BRINP3: variants seen among roughly 807,000 people sequenced by gnomAD.
BRINP3 encodes the protein BMP/retinoic acid inducible neural specific 3, also known as BMP/retinoic acid-inducible neural-specific protein 3.
A neutral mutation model predicts 71.0 loss-of-function variants in BRINP3; 19 were observed. That is an observed-to-expected ratio of 0.27 (90% CI 0.19 to 0.39). The LOEUF is 0.39. BRINP3 is among the 10% of genes least tolerant of loss of function. BRINP3 has a pLI of 1.00. For synonymous variants in BRINP3, 380 were observed against 337.7 expected, an observed-to-expected ratio of 1.13 and a Z score of -1.37; for missense variants, 959 against 940.8, an observed-to-expected ratio of 1.02 and a Z score of -0.25.
intron 2 of BRINP3, among the ~76,000 whole-genome samples, chr1:190,377,110 C>A (rs1670233443): frequency 6.6e-6 from 1 of 151,888 alleles, no homozygotes; most frequent in Non-Finnish European, 1.5e-5. Context: ...TCAATATCCA[C>A]CTATAGCTAA....
At chr1:190,224,503 A>T (rs1277072764) in intron 6 of BRINP3, among the ~76,000 whole-genome samples, 3 of 152,066 alleles carry the variant, frequency 2.0e-5, no homozygotes, top group Non-Finnish European at 1.5e-5. Flanking sequence ...ATAGACTTAA[A>T]TCTAAAACTT....
chr1:190,469,341 C>G (rs548226386), intron 1 of BRINP3, among the ~76,000 whole-genome samples: 1 of 150,990 alleles, frequency 6.6e-6, no homozygotes, highest in Admixed American at 6.6e-5. Context: ...ATAAGAAATT[C>G]TATTACTGTA....
At chr1:190,307,583 C>T (rs1665206277) in intron 2 of BRINP3, among the ~76,000 whole-genome samples, 1 of 151,746 alleles carries the variant, frequency 6.6e-6, no homozygotes, top group Non-Finnish European at 1.5e-5. Flanking sequence ...AAAGCAAGGC[C>T]ATATTTTCAC....
At chr1:190,217,437 C>A (rs988327059) in intron 6 of BRINP3, among the ~76,000 whole-genome samples, 13 of 151,628 alleles carry the variant, frequency 8.6e-5, no homozygotes, top group Non-Finnish European at 1.9e-4. Flanking sequence ...AAAAAGAGTC[C>A]AATATAAATA....
intron 4 of BRINP3, among the ~76,000 whole-genome samples, chr1:190,252,819 A>G (rs761091603): frequency 6.6e-6 from 1 of 151,984 alleles, no homozygotes; most frequent in Non-Finnish European, 1.5e-5. Context: ...TCTAGGGTAC[A>G]TGTGCACAAC....
chr1:190,172,864 A>G (rs1213944750), intron 6 of BRINP3, among the ~76,000 whole-genome samples: 1 of 152,132 alleles, frequency 6.6e-6, no homozygotes, highest in Non-Finnish European at 1.5e-5. Flanking sequence ...GCATTCCCAG[A>G]AATAGCAGCT....
intron 7 of BRINP3, among the ~76,000 whole-genome samples, chr1:190,157,431 C>T (rs1227005779): frequency 6.6e-6 from 1 of 151,870 alleles, no homozygotes; most frequent in Non-Finnish European, 1.5e-5. Flanking sequence ...GATTGGATTC[C>T]CTGAGATTGT....
chr1:190,342,367 TTTC>T (rs1667718054), intron 2 of BRINP3: 1 of 125,964 alleles, frequency 7.9e-6, no homozygotes, highest in South Asian at 2.9e-4. Context: ...TGGTTAGGGC[TTTC>T]TGTGCAAAAA....
Position 190,281,682 on chromosome 1 carries a change from G to A in BRINP3, c.305C>T (p.Pro102Leu), listed in dbSNP as rs760643777. The A allele has an allele frequency of 1.2e-6, 2 of 1,612,714 alleles. No homozygotes were observed. The highest frequency in any genetic ancestry group is 1.7e-6 in the Non-Finnish European group (2 of 1,179,300). ...ERRNFLGSPL[P>L]LAPEFFRNIR... ...GTTGCGGAAGAATTCAGGGGCAAGAGGCAGAGGAGAGCCAAGGAAATTTCT... is the reference window on the plus strand; with the variant it reads ...GTTGCGGAAGAATTCAGGGGCAAGAAGCAGAGGAGAGCCAAGGAAATTTCT... The change falls in exon 3 of 8, where the codon CCT becomes CTT. Residue 102 changes from proline to leucine, a missense_variant. Pro to Leu is a moderately conservative substitution (Grantham distance 98). Transcript: ENST00000367462.
intron 2 of BRINP3, among the ~76,000 whole-genome samples, chr1:190,372,471 C>T (rs570453327): frequency 1.3e-5 from 2 of 152,128 alleles, no homozygotes; most frequent in African/African-American, 4.8e-5. Context: ...CAGGTTACAA[C>T]CCCATATAGT....
intron 7 of BRINP3, among the ~76,000 whole-genome samples, chr1:190,156,661 A>C (rs1475433825): frequency 6.6e-6 from 1 of 152,070 alleles, no homozygotes; most frequent in Non-Finnish European, 1.5e-5. Context: ...TCTAGCAAGA[A>C]GTCTGCATTG....
rs74130789 is a variant in BRINP3 at position 190,476,313 on chromosome 1, G to A, written c.-51+1135C>T. Among the ~76,000 whole-genome samples the A allele has an allele frequency of 3.7e-3, 562 of 150,700 alleles. 4 individuals carry two copies. The highest frequency in any genetic ancestry group is 0.013 in the African/African-American group (522 of 41,126). ...AGGTTCTTACCTCCATGTATCCCAA[G>A]AAAAGGAAATGTTGTAGAGACCAGG... On this transcript the variant is annotated intron_variant, in intron 1 of 7. Transcript: ENST00000367462.
intron 2 of BRINP3, among the ~76,000 whole-genome samples, chr1:190,452,109 A>G (rs1049369983): frequency 9.5e-5 from 14 of 147,638 alleles, no homozygotes; most frequent in African/African-American, 3.8e-4. Context: ...TTTTCCATCT[A>G]TGTGTTTTAA....
intron 2 of BRINP3, among the ~76,000 whole-genome samples, chr1:190,417,952 G>C (rs1673117161): frequency 6.6e-6 from 1 of 152,142 alleles, no homozygotes; most frequent in Admixed American, 6.6e-5. Flanking sequence ...GATAACACAT[G>C]ATATAAAGAC....
intron 2 of BRINP3, among the ~76,000 whole-genome samples, chr1:190,428,985 C>T (rs190177132): frequency 1.2e-3 from 186 of 152,186 alleles, no homozygotes; most frequent in African/African-American, 4.3e-3. Flanking sequence ...CCTTTTTAAA[C>T]TATTGCTGAA....
intron 2 of BRINP3, among the ~76,000 whole-genome samples, chr1:190,367,606 G>A (rs1415646585): frequency 6.6e-6 from 1 of 152,110 alleles, no homozygotes; most frequent in Non-Finnish European, 1.5e-5. Flanking sequence ...CACATCATCA[G>A]GCTACAAATG....
At chr1:190,443,815 A>G (rs1368353560) in intron 2 of BRINP3, among the ~76,000 whole-genome samples, 1 of 152,188 alleles carries the variant, frequency 6.6e-6, no homozygotes, top group Non-Finnish European at 1.5e-5. Context: ...TACCCTGGCC[A>G]ATCAAGGCCC....
intron 2 of BRINP3, among the ~76,000 whole-genome samples, chr1:190,400,092 T>C (rs1347734709): frequency 6.6e-6 from 1 of 152,062 alleles, no homozygotes; most frequent in Non-Finnish European, 1.5e-5. Context: ...TACAACTAAA[T>C]GAAGATATCT....
intron 6 of BRINP3, among the ~76,000 whole-genome samples, chr1:190,211,117 C>T (rs551959977): frequency 6.6e-6 from 1 of 152,064 alleles, no homozygotes; most frequent in African/African-American, 2.4e-5. Context: ...TCTAGCTCCT[C>T]GACTTGCAGA....
Sources: allele counts gnomAD v4.1 joint callset (sites outside exome capture counted in the v4.1 genomes callset), GRCh38; gene constraint gnomAD v4.1.1; transcripts MANE v1.5; gene names NCBI Gene and HGNC (gene_info 2026-07-23, HGNC 2026-07-21).